The following FRMD4A variants were observed in gnomAD, a reference collection of about 807,000 sequenced individuals.
The protein encoded by FRMD4A is FERM domain containing 4A.
Under a neutral mutation model 129.1 loss-of-function variants are expected in FRMD4A, and 29 were observed. The observed-to-expected ratio is 0.22, with a 90% CI of 0.17 to 0.31. The LOEUF is 0.31. Among genes scored for constraint, FRMD4A ranks in the 10% least tolerant of loss-of-function variants. The pLI, the probability that FRMD4A is intolerant of heterozygous loss-of-function variation, is 1.00. For missense variants in FRMD4A, 1,272 were observed against 1,375.8 expected (o/e 0.92, Z 1.19); for synonymous variants, 634 against 571.6 (o/e 1.11, Z -1.56).
chr10:14,160,025 G>A (rs1194360001), intron 2 of FRMD4A, among the ~76,000 whole-genome samples: 2 of 152,106 alleles, frequency 1.3e-5, no homozygotes, highest in African/African-American at 2.4e-5. Context: ...ACTCCAGCCT[G>A]GGCAACAGAG....
chr10:14,165,468 A>C (rs1365324445), intron 2 of FRMD4A, among the ~76,000 whole-genome samples: 1 of 152,240 alleles, frequency 6.6e-6, no homozygotes. Context: ...TTCTCAAAGA[A>C]CTAAAAATAG....
intron 15 of FRMD4A, among the ~76,000 whole-genome samples, chr10:13,682,409 A>G (rs146284191): frequency 0.018 from 2,754 of 151,864 alleles, 34 homozygotes; most frequent in Middle Eastern, 0.031. Flanking sequence ...TAAGGAAATG[A>G]GTTTTTAGAG....
intron 2 of FRMD4A, among the ~76,000 whole-genome samples, chr10:13,965,371 G>A (rs2095479236): frequency 2.6e-5 from 4 of 152,310 alleles, no homozygotes; most frequent in Admixed American, 1.3e-4. Flanking sequence ...AAACCCATCT[G>A]TGGAGGAATC....
At chr10:13,711,365 C>T (rs886486549) in intron 12 of FRMD4A, among the ~76,000 whole-genome samples, 1 of 152,244 alleles carries the variant, frequency 6.6e-6, no homozygotes, top group Admixed American at 6.5e-5. Context: ...CCTTTGTAAA[C>T]AGGGTAAGGT....
intron 2 of FRMD4A, among the ~76,000 whole-genome samples, chr10:14,081,173 T>C (rs1253035734): frequency 2.0e-5 from 3 of 152,168 alleles, no homozygotes; most frequent in Non-Finnish European, 2.9e-5. Context: ...ACCACGGTAG[T>C]CAAGTTTTGG....
intron 3 of FRMD4A, among the ~76,000 whole-genome samples, chr10:13,852,384 C>T (rs960808338): frequency 2.6e-5 from 4 of 152,000 alleles, no homozygotes; most frequent in South Asian, 2.1e-4. Flanking sequence ...GCTGGGACTA[C>T]AGGCGCACGC....
chr10:13,811,749 A>T (rs73579913), intron 3 of FRMD4A, among the ~76,000 whole-genome samples: 2,564 of 152,270 alleles, frequency 0.017, 56 homozygotes, highest in African/African-American at 0.056. Flanking sequence ...CTGATGCGGA[A>T]ACAGGGCCGG....
At chr10:13,844,688 G>A (rs1008427163) in intron 3 of FRMD4A, among the ~76,000 whole-genome samples, 1 of 152,184 alleles carries the variant, frequency 6.6e-6, no homozygotes, top group African/African-American at 2.4e-5. Context: ...GTTTGAAGTG[G>A]CACTTTGGCA....
chr10:13,747,514 G>A (rs1246703261), intron 9 of FRMD4A, among the ~76,000 whole-genome samples: 1 of 129,498 alleles, frequency 7.7e-6, no homozygotes, highest in Non-Finnish European at 1.6e-5. Flanking sequence ...GGGTGACAAA[G>A]TGAGATCCGT....
chr10:13,657,160 G>A lies in FRMD4A; in HGVS notation c.2429C>T (p.Ala810Val). The change falls in exon 22 of 25, where the codon GCG becomes GTG. Residue 810 changes from alanine to valine, a missense_variant. Transcript: ENST00000357447. ...GCCCCCCGCGCCCCCCGCGCCCCCC[G>A]CACCCCCGCGCGCCGCCAGGTTGGG... The part of the protein sequence containing the change: ...SMPNLAARGG[A>V]GGAGGAGGGV... 6.6e-6 allele frequency: 4 copies of A among 605,252 alleles called. No homozygotes were observed. Among genetic ancestry groups the A allele is most frequent in the Middle Eastern group, 5.4e-4 (1 of 1,836 alleles). 37.5% of individuals were successfully genotyped at this position (605,252 alleles called of 1,614,324 possible).
intron 6 of FRMD4A, among the ~76,000 whole-genome samples, chr10:13,767,641 C>T (rs2092329149): frequency 6.6e-6 from 1 of 152,228 alleles, no homozygotes; most frequent in Non-Finnish European, 1.5e-5. Context: ...GGATTCTGGG[C>T]TTTCCCCATA....
intron 12 of FRMD4A, among the ~76,000 whole-genome samples, chr10:13,713,802 TA>T (rs1339579020): frequency 2.4e-5 from 3 of 126,056 alleles, no homozygotes. Flanking sequence ...ATATGTAATA[TA>T]TATACACATA....
intron 2 of FRMD4A, among the ~76,000 whole-genome samples, chr10:13,921,668 G>T (rs1046044263): frequency 2.0e-5 from 3 of 152,140 alleles, no homozygotes; most frequent in African/African-American, 7.2e-5. Context: ...GACCTTGGGG[G>T]CTAGGTTTCA....
chr10:13,699,233 T>G (rs551266429), intron 14 of FRMD4A, among the ~76,000 whole-genome samples: 129 of 128,546 alleles, frequency 1.0e-3, no homozygotes, highest in African/African-American at 3.2e-3. Flanking sequence ...TGTTTTTTTT[T>G]TTTTTTTTTT....
chr10:13,652,826 G>C (rs977227361), intron 23 of FRMD4A: 3 of 152,126 alleles, frequency 2.0e-5, no homozygotes, highest in Non-Finnish European at 2.9e-5. Flanking sequence ...CCAGAGTTTT[G>C]GATTTTTTTT....
At chr10:13,927,690 A>G (rs1013578263) in intron 2 of FRMD4A, among the ~76,000 whole-genome samples, 1 of 152,242 alleles carries the variant, frequency 6.6e-6, no homozygotes, top group African/African-American at 2.4e-5. Context: ...CCAGAACTAT[A>G]AATTCTATAA....
intron 2 of FRMD4A, among the ~76,000 whole-genome samples, chr10:13,904,596 A>T (rs2094859339): frequency 6.6e-6 from 1 of 152,246 alleles, no homozygotes; most frequent in Non-Finnish European, 1.5e-5. Context: ...GTTCACCTGT[A>T]CACGGTGTAT....
chr10:14,241,052 A>G (rs1844024375), intron 2 of FRMD4A, among the ~76,000 whole-genome samples: 1 of 152,232 alleles, frequency 6.6e-6, no homozygotes, highest in African/African-American at 2.4e-5. Flanking sequence ...CAAATGAAGA[A>G]GCAGTTACCT....
intron 2 of FRMD4A, among the ~76,000 whole-genome samples, chr10:13,955,112 C>CTTTTTTTTTTTTTTTTT (rs71388139): frequency 0.02 from 2,030 of 102,738 alleles, 304 homozygotes; most frequent in African/African-American, 0.04. Flanking sequence ...AATAATTCTG[C>CTTTTTTTTTTTTTTTTT]TTTTTTTTTT....
Sources: allele counts gnomAD v4.1 joint callset (sites outside exome capture counted in the v4.1 genomes callset), GRCh38; gene constraint gnomAD v4.1.1; transcripts MANE v1.5; gene names NCBI Gene and HGNC (gene_info 2026-07-23, HGNC 2026-07-21).